Variants in RAB38 observed in about 807,000 individuals in gnomAD.
RAB38 encodes the protein RAB38, member RAS oncogene family.
Under a neutral mutation model 18.4 loss-of-function variants are expected in RAB38, and 15 were observed. The observed-to-expected ratio is 0.82, with a 90% CI of 0.55 to 1.26. The LOEUF (loss-of-function observed/expected upper bound fraction) is 1.26. RAB38 is among the 50% of genes most tolerant of loss of function. The probability of loss-of-function intolerance (pLI) is 0.00; values close to 1 mark genes in which losing one functional copy is unlikely to be tolerated. For synonymous variants in RAB38, 101 were observed against 104.4 expected, an observed-to-expected ratio of 0.97 and a Z score of 0.20; for missense variants, 294 against 267.4, an observed-to-expected ratio of 1.10 and a Z score of -0.69.
At chr11:88,125,107 C>A (rs891392828) in intron 2 of RAB38, among the ~76,000 whole-genome samples, 3 of 152,186 alleles carry the variant, frequency 2.0e-5, no homozygotes, top group Non-Finnish European at 4.4e-5. Context: ...TGTCTCACTG[C>A]AATCATCCTC....
At chr11:88,110,583 C>A (rs1012109993), downstream of RAB38, among the ~76,000 whole-genome samples, 4 of 151,970 alleles carry the variant, frequency 2.6e-5, no homozygotes, top group Non-Finnish European at 5.9e-5. Flanking sequence ...CGTTGGGAGG[C>A]CGAGGTGGGC....
At chr11:87,935,370 T>A in the RAB38 span, among the ~76,000 whole-genome samples, 1 of 152,030 alleles carries the variant, frequency 6.6e-6, no homozygotes, top group Non-Finnish European at 1.5e-5. Context: ...TCAAAATTAT[T>A]ATTTTCTATA....
At chr11:88,087,689 C>T in the RAB38 span, among the ~76,000 whole-genome samples, 4 of 151,808 alleles carry the variant, frequency 2.6e-5, no homozygotes, top group Admixed American at 6.6e-5. Flanking sequence ...TGGGTCATTT[C>T]GAAATTTTTT....
chr11:87,972,204 A>G, the RAB38 span, among the ~76,000 whole-genome samples: 1 of 152,090 alleles, frequency 6.6e-6, no homozygotes. Context: ...CCCACACTTC[A>G]GGACGCCTTC....
chr11:87,904,376 AT>A, the RAB38 span, among the ~76,000 whole-genome samples: 1 of 151,810 alleles, frequency 6.6e-6, no homozygotes, highest in African/African-American at 2.4e-5. Context: ...TATGCTTAGG[AT>A]AATGGCCTCC....
At chr11:87,814,067 T>C in the RAB38 span, among the ~76,000 whole-genome samples, 54 of 152,264 alleles carry the variant, frequency 3.5e-4, no homozygotes, top group Admixed American at 1.2e-3. Flanking sequence ...GTTTATGGGG[T>C]TGTGCAGACC....
At chr11:88,025,566 C>T in the RAB38 span, among the ~76,000 whole-genome samples, 1 of 152,072 alleles carries the variant, frequency 6.6e-6, no homozygotes, top group African/African-American at 2.4e-5. Context: ...TTAATAATAG[C>T]CATTCTGACT....
chr11:88,035,117 G>A, the RAB38 span, among the ~76,000 whole-genome samples: 28 of 152,146 alleles, frequency 1.8e-4, no homozygotes, highest in East Asian at 3.9e-3. Flanking sequence ...CAGATGGATC[G>A]TCATCTTGTA....
the RAB38 span, among the ~76,000 whole-genome samples, chr11:88,038,419 G>T: frequency 4.0e-4 from 61 of 152,166 alleles, no homozygotes; most frequent in African/African-American, 1.4e-3. Flanking sequence ...CATAATGTTT[G>T]CTTATCATCA....
the RAB38 span, among the ~76,000 whole-genome samples, chr11:87,959,008 C>T: frequency 1.2e-4 from 19 of 152,128 alleles, no homozygotes; most frequent in African/African-American, 4.1e-4. Context: ...GATGGAAACA[C>T]CTCCTCCTTC....
At chr11:88,091,513 C>T in the RAB38 span, among the ~76,000 whole-genome samples, 1 of 152,010 alleles carries the variant, frequency 6.6e-6, no homozygotes, top group African/African-American at 2.4e-5. Flanking sequence ...CTCCATCTCG[C>T]CATCTCACCA....
chr11:87,871,757 T>G, the RAB38 span, among the ~76,000 whole-genome samples: 2 of 151,536 alleles, frequency 1.3e-5, no homozygotes, highest in African/African-American at 4.8e-5. Flanking sequence ...TTTTTGAAAT[T>G]TATATAAGTA....
At chr11:88,167,020 C>T (rs1426378719) in intron 1 of RAB38, 1 of 152,122 alleles carries the variant, frequency 6.6e-6, no homozygotes, top group African/African-American at 2.4e-5. Flanking sequence ...CCCAGGGATA[C>T]ACTTTGGAGG....
intron 2 of RAB38, among the ~76,000 whole-genome samples, chr11:88,149,400 A>T (rs142075344): frequency 6.6e-6 from 1 of 152,230 alleles, no homozygotes; most frequent in African/African-American, 2.4e-5. Flanking sequence ...CCTGGCTCAT[A>T]GTAAGACCTC....
At chr11:88,109,401 C>A (rs944935937), downstream of RAB38, among the ~76,000 whole-genome samples, 1 of 152,100 alleles carries the variant, frequency 6.6e-6, no homozygotes, top group African/African-American at 2.4e-5. Flanking sequence ...AATGTAAGAC[C>A]TAAAACCATA....
chr11:87,837,215 C>T, the RAB38 span, among the ~76,000 whole-genome samples: 13 of 152,180 alleles, frequency 8.5e-5, no homozygotes, highest in Admixed American at 8.5e-4. Flanking sequence ...GTTTGGAATG[C>T]TTCCTATATA....
chr11:87,946,330 A>G, the RAB38 span, among the ~76,000 whole-genome samples: 1 of 152,036 alleles, frequency 6.6e-6, no homozygotes. Context: ...ATGTATGAGA[A>G]CATTTGGAAT....
chr11:88,026,369 C>A, the RAB38 span, among the ~76,000 whole-genome samples: 1 of 151,656 alleles, frequency 6.6e-6, no homozygotes, highest in East Asian at 2.0e-4. Flanking sequence ...CGAGACCATC[C>A]TGGCTAACAC....
At chr11:87,965,884 G>C in the RAB38 span, among the ~76,000 whole-genome samples, 1 of 152,186 alleles carries the variant, frequency 6.6e-6, no homozygotes, top group Non-Finnish European at 1.5e-5. Flanking sequence ...TTGACCTCAA[G>C]CAAGTGGTTT....
Sources: gnomAD v4.1 joint callset for allele counts (sites outside exome capture counted in the v4.1 genomes callset) on GRCh38, gnomAD v4.1.1 for gene constraint, MANE v1.5 for transcripts, NCBI Gene and HGNC (gene_info 2026-07-23, HGNC 2026-07-21) for gene names.